CSRP3: variants seen among roughly 807,000 people sequenced by gnomAD.
CSRP3 encodes cysteine and glycine rich protein 3, also known as cysteine and glycine-rich protein 3.
A neutral mutation model predicts 24.3 loss-of-function variants in CSRP3; 24 were observed. The observed-to-expected ratio is 0.99, with a 90% CI of 0.71 to 1.39. CSRP3 has a LOEUF of 1.39. CSRP3 is among the 40% of genes most tolerant of loss of function. CSRP3 has a pLI of 0.00. For missense variants in CSRP3, 240 were observed against 249.0 expected (o/e 0.96, Z 0.24); for synonymous variants, 105 against 94.0 (o/e 1.12, Z -0.68).
At chr11:19,198,488 A>G (rs151011246) in intron 1 of CSRP3, among the ~76,000 whole-genome samples, 44 of 152,338 alleles carry the variant, frequency 2.9e-4, no homozygotes, top group Non-Finnish European at 5.4e-4. Flanking sequence ...CTTCCTTGGA[A>G]CTGGAGATTT....
At chr11:19,199,686 C>T (rs1415947499) in intron 1 of CSRP3, among the ~76,000 whole-genome samples, 1 of 152,156 alleles carries the variant, frequency 6.6e-6, no homozygotes, top group Admixed American at 6.5e-5. Context: ...AGCTAGTACT[C>T]GTTCCATGCC....
intron 1 of CSRP3, among the ~76,000 whole-genome samples, chr11:19,197,611 G>A (rs904197417): frequency 3.6e-5 from 5 of 139,492 alleles, no homozygotes; most frequent in Non-Finnish European, 6.0e-5. Flanking sequence ...GAGCAATGAT[G>A]AGTTAGGGCA....
intron 1 of CSRP3, among the ~76,000 whole-genome samples, chr11:19,193,325 G>C (rs968979186): frequency 1.3e-5 from 2 of 152,060 alleles, no homozygotes; most frequent in African/African-American, 4.8e-5. Flanking sequence ...CAAACGACAT[G>C]ATGTGCAGGA....
intron 1 of CSRP3, among the ~76,000 whole-genome samples, chr11:19,200,979 A>C (rs1850829718): frequency 6.6e-6 from 1 of 152,194 alleles, no homozygotes; most frequent in African/African-American, 2.4e-5. Flanking sequence ...TCCTCAGACC[A>C]GTAACTCAAC....
chr11:19,185,123 G>T, intron 4 of CSRP3, 78 bp from the exon 5 acceptor site: 2 of 1,047,986 alleles, frequency 1.9e-6, no homozygotes, highest in Non-Finnish European at 3.0e-6. Flanking sequence ...CTGACCAGCA[G>T]CATCCAGAGG....
At chr11:19,189,506 T>TA (rs1850583228) in intron 2 of CSRP3, among the ~76,000 whole-genome samples, 2 of 152,194 alleles carry the variant, frequency 1.3e-5, no homozygotes, top group Admixed American at 6.5e-5. Context: ...ATTTGCCTTT[T>TA]AAAAAAACAT....
At chr11:19,186,406 G>C (rs1328569185) in intron 3 of CSRP3, 58 bp from the exon 4 acceptor site, 4 of 1,609,910 alleles carry the variant, frequency 2.5e-6, no homozygotes, top group Non-Finnish European at 3.4e-6. Context: ...GAGTAGAAGA[G>C]CTGTGTGGCC....
chr11:19,183,350 T>C (rs1200293339), intron 5 of CSRP3, among the ~76,000 whole-genome samples: 1 of 152,134 alleles, frequency 6.6e-6, no homozygotes. Context: ...TCTGCCTCCC[T>C]TCCTACATTC....
rs781731204 is a variant in CSRP3 at position 19,192,318 on chromosome 11, G to T, written c.112+19C>A. On this transcript the variant is annotated intron_variant, in intron 2 of 5. Coordinates refer to ENST00000265968, the MANE Select transcript of CSRP3 (RefSeq NM_003476.5). Reference sequence around the variant, plus strand: ...CTGTCCGGATGCTGAGGGGCCCCCAGGGTGTCCACCCAACTCACTGCAGTG... The same window carrying T: ...CTGTCCGGATGCTGAGGGGCCCCCATGGTGTCCACCCAACTCACTGCAGTG... The T allele has an allele frequency of 6.3e-7, 1 of 1,594,544 alleles. No homozygotes were observed. The highest frequency in any genetic ancestry group is 8.6e-7 in the Non-Finnish European group (1 of 1,162,398).
intron 1 of CSRP3, among the ~76,000 whole-genome samples, chr11:19,199,100 G>A (rs553145740): frequency 4.9e-4 from 74 of 152,200 alleles, no homozygotes; most frequent in Middle Eastern, 6.8e-3. Flanking sequence ...TGGAGTGTGC[G>A]GTGCCCCAGG....
intron 1 of CSRP3, among the ~76,000 whole-genome samples, chr11:19,198,727 TG>T (rs66540504): frequency 0.36 from 55,145 of 152,040 alleles, 12,180 homozygotes; most frequent in Non-Finnish European, 0.49. Context: ...GTGAAAACCA[TG>T]GGCTTTGGAA....
intron 1 of CSRP3, among the ~76,000 whole-genome samples, chr11:19,199,487 C>T (rs1283375720): frequency 6.6e-6 from 1 of 152,140 alleles, no homozygotes; most frequent in African/African-American, 2.4e-5. Context: ...CTTTTACTTC[C>T]CAAAACTCAC....
chr11:19,193,217 T>C (rs1005970312), intron 1 of CSRP3, among the ~76,000 whole-genome samples: 3 of 152,252 alleles, frequency 2.0e-5, no homozygotes, highest in African/African-American at 7.2e-5. Context: ...CTCTACCTGC[T>C]GTTCATATCA....
intron 1 of CSRP3, among the ~76,000 whole-genome samples, chr11:19,193,135 C>T (rs1439817655): frequency 6.6e-6 from 1 of 152,126 alleles, no homozygotes; most frequent in Non-Finnish European, 1.5e-5. Flanking sequence ...ATATAATCAC[C>T]TAGGCTATAA....
chr11:19,200,780 T>C (rs1450563682), intron 1 of CSRP3, among the ~76,000 whole-genome samples: 1 of 152,238 alleles, frequency 6.6e-6, no homozygotes, highest in Non-Finnish European at 1.5e-5. Flanking sequence ...GAATTGTATG[T>C]ACCCAGCATT....
At chr11:19,198,162 C>T (rs1850773393) in intron 1 of CSRP3, among the ~76,000 whole-genome samples, 1 of 152,088 alleles carries the variant, frequency 6.6e-6, no homozygotes, top group African/African-American at 2.4e-5. Context: ...ATTTTATTTC[C>T]ATTTTTATGG....
chr11:19,197,575 C>CTTTTTCTTTCT (rs1218780980), intron 1 of CSRP3, among the ~76,000 whole-genome samples: 1 of 99,304 alleles, frequency 1.0e-5, no homozygotes, highest in African/African-American at 3.9e-5. Flanking sequence ...TTCTTTCTTT[C>CTTTTTCTTTCT]TTCTTTCACT....
At chr11:19,185,742 G>T (rs529536462) in intron 4 of CSRP3, among the ~76,000 whole-genome samples, 2 of 152,204 alleles carry the variant, frequency 1.3e-5, no homozygotes, top group Non-Finnish European at 2.9e-5. Context: ...AACTTGCAGA[G>T]CACATATGCA....
At chr11:19,197,508 T>TTCG (rs1565055489) in intron 1 of CSRP3, among the ~76,000 whole-genome samples, 35 of 75,854 alleles carry the variant, frequency 4.6e-4, no homozygotes, top group African/African-American at 2.2e-3. Flanking sequence ...TTCCTCTTTC[T>TTCG]TTCTTTCTTT....
Sources: allele counts gnomAD v4.1 joint callset (sites outside exome capture counted in the v4.1 genomes callset), GRCh38; gene constraint gnomAD v4.1.1; transcripts MANE v1.5; gene names NCBI Gene and HGNC (gene_info 2026-07-23, HGNC 2026-07-21).